The following BCAR3 variants were observed in gnomAD, a reference collection of about 807,000 sequenced individuals.
BCAR3 encodes BCAR3 adaptor protein, NSP family member.
A neutral mutation model predicts 80.1 loss-of-function variants in BCAR3; 37 were observed. That is an observed-to-expected ratio of 0.46 (90% CI 0.36 to 0.61). The LOEUF (loss-of-function observed/expected upper bound fraction) is 0.61. BCAR3 is among the 20% of genes least tolerant of loss of function. BCAR3 has a pLI of 0.00. For synonymous variants in BCAR3, 389 were observed against 418.9 expected, an observed-to-expected ratio of 0.93 and a Z score of 0.87; for missense variants, 978 against 1,068.2, an observed-to-expected ratio of 0.92 and a Z score of 1.18.
At chr1:93,780,202 A>G (rs2100756664) in intron 2 of BCAR3, among the ~76,000 whole-genome samples, 1 of 152,302 alleles carries the variant, frequency 6.6e-6, no homozygotes, top group Admixed American at 6.5e-5. Context: ...GGGACTCAGA[A>G]GCGATCAGCA....
intron 2 of BCAR3, among the ~76,000 whole-genome samples, chr1:93,713,356 C>T (rs10493866): frequency 0.1 from 15,898 of 152,082 alleles, 902 homozygotes; most frequent in Middle Eastern, 0.18. Context: ...CTAAGCTTCT[C>T]AGAAGGACCA....
chr1:93,569,445 CCCTT>C (rs1673114585), intron 9 of BCAR3, among the ~76,000 whole-genome samples: 1 of 152,196 alleles, frequency 6.6e-6, no homozygotes, highest in African/African-American at 2.4e-5. Context: ...CACCATGCTG[CCCTT>C]CCTTCTGTAG....
chr1:93,587,768 C>T (rs35896714), intron 5 of BCAR3, among the ~76,000 whole-genome samples: 31,149 of 151,182 alleles, frequency 0.21, 3,664 homozygotes, highest in African/African-American at 0.31. Context: ...AAGCTGGGAG[C>T]CGGGTCAGGG....
chr1:93,702,892 C>T (rs967737027), intron 3 of BCAR3, among the ~76,000 whole-genome samples: 1 of 152,208 alleles, frequency 6.6e-6, no homozygotes, highest in African/African-American at 2.4e-5. Context: ...CAGCTGCCCA[C>T]GCATGTCAGA....
At chr1:93,674,011 G>C (rs1046525730) in intron 2 of BCAR3, among the ~76,000 whole-genome samples, 4 of 152,160 alleles carry the variant, frequency 2.6e-5, no homozygotes, top group African/African-American at 9.7e-5. Context: ...TTATTTAGGT[G>C]TTATAGTTTT....
intron 2 of BCAR3, among the ~76,000 whole-genome samples, chr1:93,743,718 A>G (rs913720450): frequency 6.6e-6 from 1 of 152,230 alleles, no homozygotes. Context: ...AGACAAGCTC[A>G]TTCTTACCCA....
chr1:93,783,554 A>T (rs1652838184), intron 2 of BCAR3, among the ~76,000 whole-genome samples: 1 of 152,240 alleles, frequency 6.6e-6, no homozygotes, highest in South Asian at 2.1e-4. Context: ...CAGAGAACTA[A>T]ATTGTAGCAA....
intron 11 of BCAR3, among the ~76,000 whole-genome samples, chr1:93,566,471 C>T (rs745417155): frequency 7.2e-5 from 11 of 152,118 alleles, no homozygotes; most frequent in Non-Finnish European, 1.3e-4. Flanking sequence ...GCGCATGCCA[C>T]ATGTGTGATA....
At chr1:93,574,709 G>A (rs778652611) in intron 8 of BCAR3, among the ~76,000 whole-genome samples, 2 of 152,174 alleles carry the variant, frequency 1.3e-5, no homozygotes, top group Admixed American at 6.5e-5. Flanking sequence ...CTGATAGAAC[G>A]AAGCTAGTGG....
In BCAR3 at chr1:93,604,501, G is replaced by T. The variant is rs180798773; in HGVS notation, c.358-12108C>A. 1.8e-3 allele frequency among the ~76,000 whole-genome samples: 277 copies of T among 152,324 alleles called. 1 individual carries two copies. The highest frequency in any genetic ancestry group is 0.014 in the Middle Eastern group (4 of 294). ...AATTTAATTTTAATTTGTGCAGACT[G>T]AAGTCTTAGAGCAGAGCACTCTGTA... On this transcript the variant is annotated intron_variant, in intron 3 of 11. Transcript: ENST00000260502.
intron 3 of BCAR3, among the ~76,000 whole-genome samples, chr1:93,704,103 G>T (rs1198848107): frequency 6.6e-6 from 1 of 152,232 alleles, no homozygotes. Context: ...CACAGGGCTA[G>T]TGAGAGACTT....
intron 11 of BCAR3, among the ~76,000 whole-genome samples, chr1:93,564,136 T>A (rs575054937): frequency 6.6e-6 from 1 of 152,302 alleles, no homozygotes; most frequent in South Asian, 2.1e-4. Context: ...TGATGTAGTG[T>A]CTATTCAAAT....
At chr1:93,580,430 TGG>T (rs980524641) in intron 7 of BCAR3, among the ~76,000 whole-genome samples, 40 of 151,926 alleles carry the variant, frequency 2.6e-4, no homozygotes, top group African/African-American at 9.4e-4. Flanking sequence ...AGACAACATC[TGG>T]TGTCTAGAAT....
At chr1:93,820,527 TA>T (rs1404349888) in intron 2 of BCAR3, among the ~76,000 whole-genome samples, 1 of 152,232 alleles carries the variant, frequency 6.6e-6, no homozygotes, top group East Asian at 1.9e-4. Flanking sequence ...CTGATTAGTT[TA>T]TTATGGAGAA....
Position 93,717,626 on chromosome 1 carries a change from G to GCTGAGGTAGT in BCAR3, c.-62-11494_-62-11485dup, listed in dbSNP as rs1216682772. ...GCCTGTAATCTCAGCTACTCAGGAA[G>GCTGAGGTAGT]CTGAGGTAGTGGAATTGCTTGAACC... On this transcript the variant is annotated intron_variant, in intron 2 of 13. Coordinates refer to the BCAR3 transcript ENST00000370244. Among the ~76,000 whole-genome samples the GCTGAGGTAGT allele has an allele frequency of 2.6e-5, 4 of 151,736 alleles. No homozygotes were observed. The East Asian group carries it at 7.8e-4, about 29-fold the overall frequency.
chr1:93,632,101 C>A (rs1157008494), intron 3 of BCAR3, among the ~76,000 whole-genome samples: 6 of 152,208 alleles, frequency 3.9e-5, no homozygotes, highest in African/African-American at 1.4e-4. Context: ...AGGTACACCT[C>A]ATAAGATGCA....
chr1:93,732,635 G>A lies in BCAR3; in HGVS notation c.-62-26493C>T, dbSNP rs114887163. Among the ~76,000 whole-genome samples the A allele has an allele frequency of 4.0e-3, 612 of 151,934 alleles. 2 individuals are homozygous for A. The highest frequency in any genetic ancestry group is 0.014 in the African/African-American group (597 of 41,462). On this transcript the variant is annotated intron_variant, in intron 2 of 13. Transcript: ENST00000370244. ...TTGTCTCAAAAAAAGAAAAAAAAAC[G>A]AAAAGAAAAAGAAAAGAAAAGGAAG...
intron 2 of BCAR3, among the ~76,000 whole-genome samples, chr1:93,816,692 A>G (rs1010426931): frequency 1.6e-4 from 24 of 151,148 alleles, no homozygotes; most frequent in East Asian, 7.8e-4. Context: ...AAAAAAAAAA[A>G]AAAGAAATTA....
At chr1:93,735,821 A>G (rs567256459) in intron 2 of BCAR3, among the ~76,000 whole-genome samples, 1 of 152,396 alleles carries the variant, frequency 6.6e-6, no homozygotes, top group South Asian at 2.1e-4. Context: ...TTCCACTGGT[A>G]GGAGCCAAAC....
Sources: allele counts gnomAD v4.1 joint callset (sites outside exome capture counted in the v4.1 genomes callset), GRCh38; gene constraint gnomAD v4.1.1; transcripts MANE v1.5; gene names NCBI Gene and HGNC (gene_info 2026-07-23, HGNC 2026-07-21).